Variants in TENM3 observed in about 807,000 individuals in gnomAD.
TENM3 encodes the protein teneurin-3.
TENM3 carries 63 observed loss-of-function variants against 255.1 expected under a neutral mutation model. That is an observed-to-expected ratio of 0.25 (90% confidence interval 0.20 to 0.30). TENM3 has a LOEUF of 0.30. Ranked by LOEUF, TENM3 falls within the 10% of genes least tolerant of loss-of-function variation. The probability of loss-of-function intolerance (pLI) is 1.00; values close to 1 mark genes in which losing one functional copy is unlikely to be tolerated. For synonymous variants in TENM3, 1,306 were observed against 1,322.3 expected (o/e 0.99, Z 0.27); for missense variants, 2,929 against 3,461.1 (o/e 0.85, Z 3.86).
At chr4:181,932,677 G>T in the TENM3 span, among the ~76,000 whole-genome samples, 2 of 152,246 alleles carry the variant, frequency 1.3e-5, no homozygotes, top group East Asian at 3.9e-4. Context: ...TATACCCAAA[G>T]GATTATACAT....
intron 1 of TENM3, among the ~76,000 whole-genome samples, chr4:182,297,518 T>G (rs1761569460): frequency 6.6e-6 from 1 of 152,202 alleles, no homozygotes; most frequent in Admixed American, 6.5e-5. Context: ...AGATTTCGTC[T>G]TCATTACTTC....
chr4:181,962,020 G>A, the TENM3 span, among the ~76,000 whole-genome samples: 1 of 152,184 alleles, frequency 6.6e-6, no homozygotes, highest in African/African-American at 2.4e-5. Flanking sequence ...AAGGAAGAAA[G>A]GAAGTAGGCA....
At chr4:182,018,716 G>A in the TENM3 span, among the ~76,000 whole-genome samples, 1 of 152,022 alleles carries the variant, frequency 6.6e-6, no homozygotes, top group Non-Finnish European at 1.5e-5. Context: ...GTTTCCTATT[G>A]CATAGATGTA....
At chr4:182,403,193 A>C (rs1769322389) in intron 3 of TENM3, among the ~76,000 whole-genome samples, 1 of 152,190 alleles carries the variant, frequency 6.6e-6, no homozygotes, top group African/African-American at 2.4e-5. Flanking sequence ...TGTAAGTCCT[A>C]GGGTTGATTG....
chr4:182,403,698 A>C (rs1769359500), intron 3 of TENM3, among the ~76,000 whole-genome samples: 1 of 152,180 alleles, frequency 6.6e-6, no homozygotes, highest in Non-Finnish European at 1.5e-5. Flanking sequence ...ATGTAGTTTA[A>C]TAGCAGGTTC....
chr4:182,296,569 G>A (rs916289506), intron 1 of TENM3, among the ~76,000 whole-genome samples: 2 of 152,160 alleles, frequency 1.3e-5, no homozygotes, highest in Admixed American at 6.5e-5. Context: ...ATGAGCTGGG[G>A]ACATTAAGGT....
In TENM3 at chr4:182,755,241, G is replaced by T. The variant is rs1460029031; in HGVS notation, c.4874G>T (p.Gly1625Val). 1 of 1,600,572 alleles carries T rather than the reference G, an allele frequency of 6.2e-7. No individual in the cohort carries two copies. Among genetic ancestry groups the T allele is most frequent in the Admixed American group, 1.7e-5 (1 of 58,630 alleles). Residue 1625 changes from glycine (G) to valine (V), a missense_variant, in exon 22 of 28, where the codon GGA (glycine) becomes GTA (valine). Physicochemically the swap from Gly to Val is moderately radical, Grantham distance 109. Around this residue, in one of 6 missense-constraint regions of TENM3, gnomAD observed 1,608 missense variants for 1,884.4 expected, o/e 0.85. Coordinates refer to ENST00000511685, the MANE Select transcript of TENM3 (RefSeq NM_001080477.4). ...GLLATKSDETGWTTFFDYDSE... is the reference protein window; with the variant it reads ...GLLATKSDETVWTTFFDYDSE... ...TTAGCCACTAAAAGTGATGAAACTG[G>T]ATGGACAACGTTTTTTGAGTAAGTA...
chr4:181,926,218 G>T, the TENM3 span, among the ~76,000 whole-genome samples: 59 of 152,246 alleles, frequency 3.9e-4, no homozygotes, highest in African/African-American at 1.1e-3. Context: ...TTCCATAAAT[G>T]CAACTATAGT....
At chr4:181,602,694 A>G in the TENM3 span, among the ~76,000 whole-genome samples, 1 of 152,202 alleles carries the variant, frequency 6.6e-6, no homozygotes, top group African/African-American at 2.4e-5. Context: ...TGGTACATCT[A>G]AAACTCAGGG....
the TENM3 span, among the ~76,000 whole-genome samples, chr4:182,004,422 A>G: frequency 2.2e-4 from 34 of 152,260 alleles, no homozygotes; most frequent in Non-Finnish European, 2.1e-4. Flanking sequence ...GCTGCATAGT[A>G]TTACATGGTG....
chr4:182,329,863 A>C (rs1427535150), intron 2 of TENM3, among the ~76,000 whole-genome samples: 1 of 152,246 alleles, frequency 6.6e-6, no homozygotes, highest in African/African-American at 2.4e-5. Flanking sequence ...AGATAAAATT[A>C]AGAAGACAAC....
the TENM3 span, among the ~76,000 whole-genome samples, chr4:181,903,774 T>C: frequency 6.6e-6 from 1 of 152,278 alleles, no homozygotes; most frequent in Non-Finnish European, 1.5e-5. Flanking sequence ...GGGCCCCTCC[T>C]GGTTCTACCC....
intron 3 of TENM3, among the ~76,000 whole-genome samples, chr4:182,507,254 C>T (rs1736931689): frequency 6.6e-6 from 1 of 152,082 alleles, no homozygotes. Context: ...CCTTTTTCTT[C>T]CATCATTATG....
At chr4:182,036,713 G>T in the TENM3 span, among the ~76,000 whole-genome samples, 2 of 152,150 alleles carry the variant, frequency 1.3e-5, no homozygotes, top group Non-Finnish European at 2.9e-5. Context: ...ACTTTTTATA[G>T]GAACCGCTAC....
chr4:181,922,003 T>C, the TENM3 span, among the ~76,000 whole-genome samples: 1 of 152,260 alleles, frequency 6.6e-6, no homozygotes, highest in African/African-American at 2.4e-5. Flanking sequence ...GTGTGATTTT[T>C]GTCTTTGGTT....
At chr4:182,516,701 G>T (rs986197649) in intron 3 of TENM3, among the ~76,000 whole-genome samples, 1 of 152,086 alleles carries the variant, frequency 6.6e-6, no homozygotes, top group African/African-American at 2.4e-5. Context: ...GACTAGCCTG[G>T]CCAACATGGT....
chr4:182,476,996 A>G (rs1374479099), intron 3 of TENM3, among the ~76,000 whole-genome samples: 1 of 152,240 alleles, frequency 6.6e-6, no homozygotes, highest in Non-Finnish European at 1.5e-5. Flanking sequence ...GACAGCCGCT[A>G]TCTATAGCAG....
At chr4:182,190,475 C>T (rs572427659) in intron 1 of TENM3, 2 of 152,306 alleles carry the variant, frequency 1.3e-5, no homozygotes, top group South Asian at 2.1e-4. Context: ...TGGACGTCCT[C>T]TAAGTACCTC....
the TENM3 span, among the ~76,000 whole-genome samples, chr4:181,758,240 G>A: frequency 6.6e-6 from 1 of 152,162 alleles, no homozygotes; most frequent in Non-Finnish European, 1.5e-5. Context: ...GACATGTATG[G>A]GATAAAGGAC....
Sources: allele counts gnomAD v4.1 joint callset (sites outside exome capture counted in the v4.1 genomes callset), GRCh38; gene constraint gnomAD v4.1.1; regional missense constraint gnomAD v4.1.1; transcripts MANE v1.5; gene names NCBI Gene and HGNC (gene_info 2026-07-23, HGNC 2026-07-21).